Variants in SRP19 observed in about 807,000 individuals in gnomAD.
SRP19 encodes the protein signal recognition particle 19 kDa protein.
SRP19 carries 11 observed loss-of-function variants against 22.4 expected under a neutral mutation model. The observed-to-expected ratio is 0.49, with a 90% CI of 0.31 to 0.81. SRP19 has a LOEUF of 0.81. Ranked by LOEUF, SRP19 falls within the 40% of genes least tolerant of loss-of-function variation. SRP19 has a pLI of 0.05. For missense variants in SRP19, 168 were observed against 175.9 expected (o/e 0.96, Z 0.25); for synonymous variants, 61 against 57.6 (o/e 1.06, Z -0.27).
At chr5:112,892,286 T>G (rs756517401) in exon 5 of SRP19, 24 of 1,614,088 alleles carry the variant, frequency 1.5e-5, no homozygotes, top group Non-Finnish European at 2.0e-5. Context: ...ACGTTTGGAA[T>G]GGAGCAGTGC....
intron 4 of SRP19, among the ~76,000 whole-genome samples, chr5:112,881,051 C>T (rs1365138912): frequency 7.0e-6 from 1 of 142,648 alleles, no homozygotes; most frequent in Non-Finnish European, 1.5e-5. Context: ...ATCCCTTGAA[C>T]CTGGAAGGTG....
downstream of SRP19, among the ~76,000 whole-genome samples, chr5:112,870,653 C>T (rs552725524): frequency 6.6e-6 from 1 of 152,108 alleles, no homozygotes; most frequent in Non-Finnish European, 1.5e-5. Context: ...GAGGTGGAAC[C>T]TTTGGGAGGT....
chr5:112,881,546 T>C (rs953487436), intron 4 of SRP19, among the ~76,000 whole-genome samples: 2 of 152,208 alleles, frequency 1.3e-5, no homozygotes, highest in Non-Finnish European at 2.9e-5. Context: ...AGGACACTGC[T>C]TTCTCAAGTG....
chr5:112,881,978 C>T (rs1421001969), intron 4 of SRP19: 3 of 150,850 alleles, frequency 2.0e-5, no homozygotes, highest in Admixed American at 6.6e-5. Flanking sequence ...CACCATGTTA[C>T]TCAGGCTGGT....
Position 112,885,677 on chromosome 5 carries a change from A to G in SRP19, c.302-5926A>G. ...CCAGAGGTCTACTCAGAAGGACCCA[A>G]TTCCTAACCAGCCTCCCTTTCTCTG... On this transcript the variant is annotated intron_variant, in intron 4 of 4. Transcript: ENST00000391338. The G allele has an allele frequency of 9.7e-6, 3 of 308,294 alleles. No homozygotes were observed. The South Asian group carries it at 1.2e-4, about 13-fold the overall frequency. 19.1% of individuals were successfully genotyped at this position (308,294 alleles called of 1,614,324 possible).
At chr5:112,878,620 A>G in intron 4 of SRP19, 6 of 988,858 alleles carry the variant, frequency 6.1e-6, no homozygotes, top group Non-Finnish European at 8.8e-6. Flanking sequence ...CTATATATAT[A>G]GACAGTAAAA....
intron 4 of SRP19, chr5:112,877,981 C>CTGTGTGTGTGTGTGTGTGTGTG (rs60109818): frequency 1.4e-5 from 2 of 147,530 alleles, no homozygotes; most frequent in East Asian, 2.0e-4. Flanking sequence ...ACAGGTTACT[C>CTGTGTGTGTGTGTGTGTGTGTG]TGTGTGTGTG....
chr5:112,867,428 C>T lies in SRP19; in HGVS notation c.326C>T (p.Ala109Val). ...GGTAAGTCAGTAATGTTGTATGCAG[C>T]AGAAATGATACCTAAACTAAAAACA... ...PSRKSVMLYA[A>V]EMIPKLKTRT... The change falls in exon 5 of 5, where the codon GCA becomes GTA. Residue 109 changes from alanine (A) to valine (V), a missense_variant. Physicochemically the swap from Ala to Val is moderately conservative, Grantham distance 64. Coordinates refer to ENST00000505459, the MANE Select transcript of SRP19 (RefSeq NM_003135.3). 6.2e-7 allele frequency: 1 copy of T among 1,613,676 alleles called. No individual in the cohort carries two copies. The highest frequency in any genetic ancestry group is 1.7e-5 in the Admixed American group (1 of 59,994).
intron 4 of SRP19, among the ~76,000 whole-genome samples, chr5:112,890,669 C>T (rs952476629): frequency 6.6e-6 from 1 of 150,482 alleles, no homozygotes; most frequent in African/African-American, 2.5e-5. Flanking sequence ...TGAGCCACTG[C>T]ACCTGGCCTA....
chr5:112,862,463 C>T (rs1378251282), intron 1 of SRP19, 45 bp from the exon 2 acceptor site: 12 of 1,571,504 alleles, frequency 7.6e-6, no homozygotes, highest in Non-Finnish European at 1.1e-5. Context: ...TTTCTCCTGC[C>T]TCTTACTGCT....
chr5:112,884,913 G>A (rs567308658), intron 4 of SRP19, among the ~76,000 whole-genome samples: 9 of 151,736 alleles, frequency 5.9e-5, no homozygotes, highest in South Asian at 2.1e-4. Flanking sequence ...TGGTCTCTTC[G>A]GTATGCTGGT....
At chr5:112,892,411 G>A (rs769723900) in exon 5 of SRP19, 3 of 1,614,118 alleles carry the variant, frequency 1.9e-6, no homozygotes, top group Non-Finnish European at 2.5e-6. Flanking sequence ...CGTGGGGAAA[G>A]TGATTCAGTT....
chr5:112,886,379 G>A (rs1478036789), intron 4 of SRP19, among the ~76,000 whole-genome samples: 1 of 152,166 alleles, frequency 6.6e-6, no homozygotes, highest in African/African-American at 2.4e-5. Context: ...TTATGTGAGG[G>A]TGATTAGACA....
chr5:112,885,453 G>A (rs1402810153), intron 4 of SRP19: 2 of 194,880 alleles, frequency 1.0e-5, no homozygotes, highest in South Asian at 1.0e-4. Context: ...AAGAGGAGGC[G>A]AAAGCCAAGA....
intron 4 of SRP19, chr5:112,876,627 T>C (rs1232455253): frequency 6.6e-6 from 1 of 152,212 alleles, no homozygotes; most frequent in African/African-American, 2.4e-5. Flanking sequence ...ACTACATACC[T>C]TTGAAACACT....
downstream of SRP19, chr5:112,893,395 G>A (rs550032275): frequency 1.6e-5 from 3 of 187,380 alleles, no homozygotes; most frequent in East Asian, 4.4e-4. Context: ...GGGTGACAGA[G>A]CGAGACTGTG....
At chr5:112,862,698 C>T (rs887080257) in intron 2 of SRP19, 115 bp downstream of exon 2, 5 of 875,610 alleles carry the variant, frequency 5.7e-6, no homozygotes, top group Non-Finnish European at 9.0e-6. Context: ...TTATTTAGGG[C>T]TTGAGAACAC....
At chr5:112,891,892 C>G (rs1446989512) in exon 5 of SRP19, 4 of 1,349,024 alleles carry the variant, frequency 3.0e-6, no homozygotes, top group Non-Finnish European at 3.2e-6. Context: ...GCTGAGGGAG[C>G]AGAAGGCACA....
At chr5:112,892,873 T>G in exon 5 of SRP19, 1 of 1,612,288 alleles carries the variant, frequency 6.2e-7, no homozygotes, top group Non-Finnish European at 8.5e-7. Flanking sequence ...GGGGAAGAAA[T>G]CTCACAAACG....
Sources: allele counts gnomAD v4.1 joint callset (sites outside exome capture counted in the v4.1 genomes callset), GRCh38; gene constraint gnomAD v4.1.1; transcripts MANE v1.5; gene names NCBI Gene and HGNC (gene_info 2026-07-23, HGNC 2026-07-21).